PTPN3: variants seen among roughly 807,000 people sequenced by gnomAD.
The protein encoded by PTPN3 is protein tyrosine phosphatase non-receptor type 3, also known as tyrosine-protein phosphatase non-receptor type 3.
Under a neutral mutation model 132.7 loss-of-function variants are expected in PTPN3, and 96 were observed. That is an observed-to-expected ratio of 0.72 (90% CI 0.61 to 0.86). The LOEUF (loss-of-function observed/expected upper bound fraction) is 0.86, where lower values mean the gene tolerates loss of function less well. Among genes scored for constraint, PTPN3 ranks in the 40% least tolerant of loss-of-function variants. PTPN3 has a pLI of 0.00. For synonymous variants in PTPN3, 398 were observed against 429.0 expected (o/e 0.93, Z 0.89); for missense variants, 1,125 against 1,159.6 (o/e 0.97, Z 0.43).
At chr9:109,385,796 G>C (rs146027938) in intron 22 of PTPN3, among the ~76,000 whole-genome samples, 19 of 152,330 alleles carry the variant, frequency 1.2e-4, no homozygotes, top group African/African-American at 3.8e-4. Context: ...CGAGACCCTG[G>C]GCAGATGCTG....
rs567722687 is a variant in PTPN3, at chr9:109,393,744, G to A, written c.1954-2183C>T. ...AATTGTGGCCAACATCCTTAATAAA[G>A]ATGTGTTTGCAGTTTGAATAGGGAG... On this transcript the variant is annotated intron_variant, in intron 19 of 25. Transcript: ENST00000374541. Among the ~76,000 whole-genome samples the A allele has an allele frequency of 2.0e-5, 3 of 152,242 alleles. No homozygotes were observed. The South Asian group carries it at 6.2e-4, about 32-fold the overall frequency.
At chr9:109,521,541 C>G in the PTPN3 span, among the ~76,000 whole-genome samples, 1 of 152,176 alleles carries the variant, frequency 6.6e-6, no homozygotes, top group Non-Finnish European at 1.5e-5. Context: ...CCCAACTTCA[C>G]CTGCATCACA....
intron 2 of PTPN3, among the ~76,000 whole-genome samples, chr9:109,458,140 T>C (rs368577721): frequency 5.3e-5 from 8 of 152,074 alleles, no homozygotes; most frequent in Non-Finnish European, 1.2e-4. Context: ...TAACAGAGTG[T>C]CAAAGGCCGT....
At chr9:109,517,494 A>G in the PTPN3 span, among the ~76,000 whole-genome samples, 1 of 152,296 alleles carries the variant, frequency 6.6e-6, no homozygotes. Flanking sequence ...CGCCTGTTCA[A>G]GGTAGTGGTT....
intron 14 of PTPN3, among the ~76,000 whole-genome samples, chr9:109,414,861 T>C (rs1044919834): frequency 5.9e-5 from 9 of 152,180 alleles, no homozygotes; most frequent in African/African-American, 2.2e-4. Flanking sequence ...GTTACCAAAC[T>C]TGTCAAAGTA....
chr9:109,406,769 TC>T, intron 17 of PTPN3, 151 bp from the exon 18 acceptor site: 1 of 847,998 alleles, frequency 1.2e-6, no homozygotes, highest in Non-Finnish European at 1.9e-6. Context: ...GTATAATGCA[TC>T]CACTGCTATG....
the PTPN3 span, among the ~76,000 whole-genome samples, chr9:109,525,380 A>G: frequency 6.6e-6 from 1 of 152,302 alleles, no homozygotes; most frequent in South Asian, 2.1e-4. Context: ...TTGCCATTTT[A>G]AAAAGCTAAC....
At chr9:109,491,636 T>C (rs931868094) in intron 1 of PTPN3, among the ~76,000 whole-genome samples, 63 of 152,154 alleles carry the variant, frequency 4.1e-4, no homozygotes, top group African/African-American at 1.4e-3. Flanking sequence ...AACTGCAAAA[T>C]TGCCACTAGG....
chr9:109,435,476 C>T (rs188582738), intron 9 of PTPN3, among the ~76,000 whole-genome samples: 157 of 152,262 alleles, frequency 1.0e-3, no homozygotes, highest in African/African-American at 3.5e-3. Context: ...TGAGTTATTG[C>T]GATGGATGGG....
chr9:109,512,323 G>A, the PTPN3 span, among the ~76,000 whole-genome samples: 1 of 152,134 alleles, frequency 6.6e-6, no homozygotes, highest in Admixed American at 6.6e-5. Flanking sequence ...TGGTGCAGCT[G>A]GTCCACAGAT....
At chr9:109,433,379 A>G (rs1843797727) in intron 9 of PTPN3, among the ~76,000 whole-genome samples, 1 of 152,238 alleles carries the variant, frequency 6.6e-6, no homozygotes, top group South Asian at 2.1e-4. Flanking sequence ...GTCAAGCAAC[A>G]TGTGGGTGCC....
intron 19 of PTPN3, among the ~76,000 whole-genome samples, chr9:109,393,219 C>A (rs557052548): frequency 8.9e-4 from 136 of 152,186 alleles, no homozygotes; most frequent in African/African-American, 3.2e-3. Flanking sequence ...ATGTCATTAA[C>A]TATTATTTAC....
chr9:109,427,228 G>C (rs947704807), intron 11 of PTPN3, 106 bp from the exon 12 acceptor site: 3 of 1,268,580 alleles, frequency 2.4e-6, no homozygotes, highest in Non-Finnish European at 3.3e-6. Flanking sequence ...ACAGACAGCA[G>C]AAAACTGGTT....
chr9:109,383,304 T>C (rs1288356269), intron 23 of PTPN3, 119 bp downstream of exon 23: 1 of 1,559,946 alleles, frequency 6.4e-7, no homozygotes. Flanking sequence ...CTTGCGCACT[T>C]ACTGACACGC....
chr9:109,473,515 T>C (rs1465101620), intron 1 of PTPN3, among the ~76,000 whole-genome samples: 7 of 152,156 alleles, frequency 4.6e-5, no homozygotes, highest in Non-Finnish European at 1.0e-4. Flanking sequence ...AGTTTTAAGC[T>C]CCCTGAAGGG....
At chr9:109,467,744 C>A (rs1394916635) in intron 1 of PTPN3, among the ~76,000 whole-genome samples, 1 of 152,188 alleles carries the variant, frequency 6.6e-6, no homozygotes, top group Non-Finnish European at 1.5e-5. Context: ...AGCTCCTGCT[C>A]GTGCTGGCGT....
At chr9:109,535,274 C>T in the PTPN3 span, among the ~76,000 whole-genome samples, 13 of 152,248 alleles carry the variant, frequency 8.5e-5, no homozygotes, top group African/African-American at 2.9e-4. Flanking sequence ...ATTCACTGGC[C>T]GGCAGACTCC....
At chr9:109,511,502 C>T in the PTPN3 span, 1 of 153,664 alleles carries the variant, frequency 6.5e-6, no homozygotes, top group East Asian at 1.9e-4. Context: ...TATCTACCTG[C>T]CATGTTTGTC....
intron 25 of PTPN3, among the ~76,000 whole-genome samples, chr9:109,381,249 C>T (rs979037232): frequency 1.3e-5 from 2 of 152,180 alleles, no homozygotes; most frequent in African/African-American, 2.4e-5. Flanking sequence ...CTACTTTGAG[C>T]TCTGGCCTGC....
Sources: gnomAD v4.1 joint callset for allele counts (sites outside exome capture counted in the v4.1 genomes callset) on GRCh38, gnomAD v4.1.1 for gene constraint, MANE v1.5 for transcripts, NCBI Gene and HGNC (gene_info 2026-07-23, HGNC 2026-07-21) for gene names.